The following CEACAM6 variants were observed in gnomAD, a reference collection of about 807,000 sequenced individuals.
CEACAM6 encodes CEA cell adhesion molecule 6.
In CEACAM6, 21 loss-of-function variants were observed where a neutral mutation model predicts 32.4. That is an observed-to-expected ratio of 0.65 (90% CI 0.46 to 0.93). The LOEUF is 0.93. Ranked by LOEUF, CEACAM6 falls within the 40% of genes least tolerant of loss-of-function variation. The pLI is 0.00. For missense variants in CEACAM6, 406 were observed against 432.2 expected, an observed-to-expected ratio of 0.94 and a Z score of 0.54; for synonymous variants, 184 against 174.4, an observed-to-expected ratio of 1.06 and a Z score of -0.43.
At position 41,771,160 on chromosome 19, in the gene CEACAM6, C is replaced by A. The variant is rs1306257535; in HGVS notation, c.*399C>A. ...GGATGATGCTGTCATTAGTATTTCACAAGAAGTAGCTTCAGAGGGTAACTT... is the reference window on the plus strand; with the variant it reads ...GGATGATGCTGTCATTAGTATTTCAAAAGAAGTAGCTTCAGAGGGTAACTT... On this transcript the variant is annotated 3_prime_UTR_variant, in exon 6 of 6. Transcript: ENST00000199764. The A allele has an allele frequency of 6.6e-6, 1 of 152,178 alleles. No individual in the cohort carries two copies. Among genetic ancestry groups the A allele is most frequent in the East Asian group, 1.9e-4 (1 of 5,200 alleles). 9.4% of individuals were successfully genotyped at this position (152,178 alleles called of 1,614,324 possible). A position where few individuals can be genotyped will look rare whatever the true frequency, so the allele number is the denominator to read the frequency against.
chr19:41,768,043 A>C (rs1291007851), intron 5 of CEACAM6, among the ~76,000 whole-genome samples: 1 of 152,144 alleles, frequency 6.6e-6, no homozygotes, highest in Non-Finnish European at 1.5e-5. Flanking sequence ...AAGTAACTAA[A>C]TGTCTATGGG....
At chr19:41,764,283 T>C (rs2072944152) in intron 4 of CEACAM6, among the ~76,000 whole-genome samples, 1 of 152,142 alleles carries the variant, frequency 6.6e-6, no homozygotes, top group Admixed American at 6.5e-5. Flanking sequence ...TTGGTAGCAA[T>C]GTCATCAATT....
intron 1 of CEACAM6, 85 bp from the exon 2 acceptor site, chr19:41,756,515 G>T (rs1555821043): frequency 2.6e-6 from 4 of 1,537,768 alleles, no homozygotes; most frequent in Non-Finnish European, 3.5e-6. Context: ...GAGGGGTGAA[G>T]AGACCTGCTC....
At position 41,761,496 on chromosome 19, in the gene CEACAM6, C is replaced by T. The variant is rs552158385; in HGVS notation, c.672C>T (p.Asn224=). The change falls in exon 3 of 6, where the codon AAC becomes AAT. Residue 224 remains asparagine (N), a synonymous_variant. Coordinates refer to ENST00000199764, the MANE Select transcript of CEACAM6 (RefSeq NM_002483.7). ...AAATACAGAACCCAGCGAGTGCCAA[C>T]CGCAGTGACCCAGTCACCCTGAATG... ...ECEIQNPASA[N]RSDPVTLNVL... is the part of the protein sequence containing the mutation. 4.3e-6 allele frequency: 7 copies of T among 1,614,204 alleles called. No individual in the cohort carries two copies. The highest frequency in any genetic ancestry group is 1.3e-5 in the African/African-American group (1 of 75,052).
rs2072995131 is a variant in CEACAM6 at position 41,771,659 on chromosome 19, C to T, written c.*898C>T. On this transcript the variant is annotated 3_prime_UTR_variant, in exon 6 of 6. Coordinates refer to ENST00000199764, the MANE Select transcript of CEACAM6 (RefSeq NM_002483.7). ...CATACTCCCTGGTGTAGTGTATTCT[C>T]TAAAAGCTTTAAATGTCTGCATGCA... 6.6e-6 allele frequency: 1 copy of T among 152,144 alleles called. No individual in the cohort carries two copies. The highest frequency in any genetic ancestry group is 2.1e-4 in the South Asian group (1 of 4,828). The allele number at this position is 152,144 out of a possible 1,614,324, so 9.4% of individuals were successfully genotyped here. A position where few individuals can be genotyped will look rare whatever the true frequency, so the allele number is the denominator to read the frequency against.
chr19:41,760,741 G>A (rs4803508), intron 2 of CEACAM6, among the ~76,000 whole-genome samples: 77,998 of 152,082 alleles, frequency 0.51, 22,467 homozygotes, highest in African/African-American at 0.79. Context: ...CTGCTGAAAG[G>A]TCCAATCCCA....
intron 4 of CEACAM6, among the ~76,000 whole-genome samples, chr19:41,762,432 T>A (rs1448899716): frequency 6.6e-6 from 1 of 152,172 alleles, no homozygotes; most frequent in Non-Finnish European, 1.5e-5. Flanking sequence ...TGATTTCTCA[T>A]GTCTGACTTT....
At chr19:41,769,514 T>C (rs1158741041) in intron 5 of CEACAM6, among the ~76,000 whole-genome samples, 1 of 152,064 alleles carries the variant, frequency 6.6e-6, no homozygotes, top group Non-Finnish European at 1.5e-5. Flanking sequence ...ATTTTTATGA[T>C]TTTTTATTTG....
At chr19:41,762,726 C>T (rs2072934144) in intron 4 of CEACAM6, among the ~76,000 whole-genome samples, 1 of 152,200 alleles carries the variant, frequency 6.6e-6, no homozygotes, top group Non-Finnish European at 1.5e-5. Flanking sequence ...TCTCTGCTCC[C>T]AGCACCCCCA....
chr19:41,756,085 A>G (rs1259820999), intron 1 of CEACAM6, among the ~76,000 whole-genome samples: 2 of 152,230 alleles, frequency 1.3e-5, no homozygotes, highest in Admixed American at 1.3e-4. Context: ...TAACTCATCC[A>G]CAAGCATTTG....
chr19:41,760,389 A>T (rs1234337530), intron 2 of CEACAM6, among the ~76,000 whole-genome samples: 4 of 152,264 alleles, frequency 2.6e-5, no homozygotes, highest in African/African-American at 9.6e-5. Flanking sequence ...TCAGATTTGC[A>T]GCATTTCATG....
intron 5 of CEACAM6, among the ~76,000 whole-genome samples, chr19:41,768,751 G>T (rs1224980307): frequency 7.0e-6 from 1 of 142,698 alleles, no homozygotes; most frequent in Admixed American, 6.9e-5. Context: ...CCTCCCTCCC[G>T]GACGGGGCGG....
intron 2 of CEACAM6, among the ~76,000 whole-genome samples, chr19:41,759,788 C>A (rs1555821592): frequency 6.6e-6 from 1 of 152,142 alleles, no homozygotes; most frequent in African/African-American, 2.4e-5. Context: ...ATATTCAGAA[C>A]ATAACATGAG....
At position 41,761,873 on chromosome 19, in the gene CEACAM6, G is replaced by A. The variant is rs1050457069; in HGVS notation, c.704-96G>A. 3.1e-5 allele frequency: 45 copies of A among 1,471,232 alleles called. No individual in the cohort carries two copies. In the African/African-American group the frequency reaches 5.4e-4, roughly 18 times the overall value. 91.1% of individuals were successfully genotyped at this position (1,471,232 alleles called of 1,614,324 possible). The stretch of plus-strand genomic sequence containing the variant: ...GGTTTGGTTGAGACTTCAGGGTTGT[G>A]ACATGGCTCAGGGGGACACCGTGGC... On this transcript the variant is annotated intron_variant, in intron 3 of 5. Transcript: ENST00000199764.
chr19:41,768,805 G>T (rs557491039), intron 5 of CEACAM6, among the ~76,000 whole-genome samples: 1 of 152,160 alleles, frequency 6.6e-6, no homozygotes, highest in Admixed American at 6.5e-5. Flanking sequence ...AGGGGCGGCC[G>T]GGCAGAGGCG....
At position 41,762,067 on chromosome 19, in the gene CEACAM6, C is replaced by T; in HGVS notation, c.802C>T (p.Gln268Ter). 1 of 1,614,236 alleles carries T rather than the reference C, an allele frequency of 6.2e-7. No individual in the cohort carries two copies. The highest frequency in any genetic ancestry group is 8.5e-7 in the Non-Finnish European group (1 of 1,180,040). ...SCHAASNPPA[Q>*]YSWFINGTFQ... ...CCACGCAGCCTCTAACCCACCTGCACAGTACTCTTGGTTTATCAATGGGAC... is the reference window on the plus strand; with the variant it reads ...CCACGCAGCCTCTAACCCACCTGCATAGTACTCTTGGTTTATCAATGGGAC... Residue 268 changes from glutamine (Q) to a stop codon, truncating the protein, a stop_gained, in exon 4 of 6, where the codon CAG (glutamine) becomes TAG (stop). Transcript: ENST00000199764. LOFTEE classifies it high-confidence loss of function.
At chr19:41,762,432 T>G (rs1448899716) in intron 4 of CEACAM6, among the ~76,000 whole-genome samples, 3 of 152,172 alleles carry the variant, frequency 2.0e-5, no homozygotes, top group South Asian at 4.1e-4. Flanking sequence ...TGATTTCTCA[T>G]GTCTGACTTT....
At chr19:41,761,188 G>T (rs1193957925) in intron 2 of CEACAM6, 61 bp from the exon 3 acceptor site, 6 of 1,610,310 alleles carry the variant, frequency 3.7e-6, no homozygotes, top group Non-Finnish European at 4.2e-6. Context: ...CTGATTGAAA[G>T]ATGCCTGTGG....
At chr19:41,759,826 G>T (rs2072912045) in intron 2 of CEACAM6, among the ~76,000 whole-genome samples, 1 of 152,086 alleles carries the variant, frequency 6.6e-6, no homozygotes, top group Non-Finnish European at 1.5e-5. Flanking sequence ...ACTTTTCAAA[G>T]CAAATTACAA....
Sources: gnomAD v4.1 joint callset for allele counts (sites outside exome capture counted in the v4.1 genomes callset) on GRCh38, gnomAD v4.1.1 for gene constraint, MANE v1.5 for transcripts, NCBI Gene and HGNC (gene_info 2026-07-23, HGNC 2026-07-21) for gene names.